PARP15: variants seen among roughly 807,000 people sequenced by gnomAD.
The protein encoded by PARP15 is protein mono-ADP-ribosyltransferase PARP15.
In PARP15, 50 loss-of-function variants were observed where a neutral mutation model predicts 62.1. The observed-to-expected ratio is 0.81, with a 90% CI of 0.64 to 1.02. The LOEUF (loss-of-function observed/expected upper bound fraction) is 1.02. Among genes scored for constraint, PARP15 ranks in the 50% least tolerant of loss-of-function variants. The pLI, the probability that PARP15 is intolerant of heterozygous loss-of-function variation, is 0.00. For missense variants in PARP15, 820 were observed against 826.5 expected (o/e 0.99, Z 0.10); for synonymous variants, 309 against 293.1 (o/e 1.05, Z -0.55).
rs1935920454 is a variant in PARP15, at chr3:122,615,776, C to G, written c.772-3C>G. The G allele has an allele frequency of 6.2e-7, 1 of 1,611,896 alleles. No individual in the cohort carries two copies. Among genetic ancestry groups the G allele is most frequent in the African/African-American group, 1.3e-5 (1 of 74,844 alleles). On this transcript the variant is annotated splice_region_variant and splice_polypyrimidine_tract_variant and intron_variant, in intron 4 of 11. Coordinates refer to ENST00000464300, the MANE Select transcript of PARP15 (RefSeq NM_001113523.3). ...TGTAGTCAGTAACTGTTTCTATTTC[C>G]AGGCATTTTTAGATGAATTCACTAA...
chr3:122,587,459 G>A lies in PARP15; in HGVS notation c.186+9606G>A, dbSNP rs370633574. Among the ~76,000 whole-genome samples the A allele has an allele frequency of 6.8e-4, 103 of 152,314 alleles. 2 individuals are homozygous for A. In the South Asian group the frequency reaches 0.021, roughly 31 times the overall value. On this transcript the variant is annotated intron_variant, in intron 1 of 11. Coordinates refer to ENST00000464300, the MANE Select transcript of PARP15 (RefSeq NM_001113523.3). ...TGCTCCACATCCTTGCCAGCATTTGGTGTTGCCAATGTTCTGGATTTTCAC... is the reference window on the plus strand; with the variant it reads ...TGCTCCACATCCTTGCCAGCATTTGATGTTGCCAATGTTCTGGATTTTCAC...
At chr3:122,588,358 ATT>A (rs35662109) in intron 1 of PARP15, among the ~76,000 whole-genome samples, 5 of 149,806 alleles carry the variant, frequency 3.3e-5, no homozygotes, top group Admixed American at 1.3e-4. Context: ...TGGTTTATTG[ATT>A]TTTTTTTTTG....
At chr3:122,594,457 C>A in intron 1 of PARP15, 1 of 705,134 alleles carries the variant, frequency 1.4e-6, no homozygotes, top group Non-Finnish European at 1.7e-6. Flanking sequence ...AGCTCCATGT[C>A]CTTGATTACA....
intron 1 of PARP15, among the ~76,000 whole-genome samples, chr3:122,586,682 G>A (rs1363542608): frequency 6.6e-6 from 1 of 151,940 alleles, no homozygotes; most frequent in Non-Finnish European, 1.5e-5. Context: ...GCACAATTTA[G>A]CAGAAAGTAC....
intron 1 of PARP15, among the ~76,000 whole-genome samples, chr3:122,590,614 A>G (rs1559930069): frequency 1.3e-5 from 2 of 152,034 alleles, no homozygotes; most frequent in African/African-American, 2.4e-5. Flanking sequence ...ATCAGTATAC[A>G]TATCTGATTT....
chr3:122,634,937 T>G, intron 10 of PARP15, 83 bp from the exon 11 acceptor site: 1 of 1,348,654 alleles, frequency 7.4e-7, no homozygotes, highest in South Asian at 1.3e-5. Context: ...CTTTTTCATA[T>G]TGCTTATTTT....
intron 1 of PARP15, among the ~76,000 whole-genome samples, chr3:122,586,545 C>T (rs1933445085): frequency 6.6e-6 from 1 of 152,140 alleles, no homozygotes; most frequent in African/African-American, 2.4e-5. Context: ...AGGCTTATTT[C>T]TAGAATTGCT....
At chr3:122,619,699 G>T in intron 6 of PARP15, 82 bp from the exon 7 acceptor site, 2 of 1,204,680 alleles carry the variant, frequency 1.7e-6, no homozygotes, top group South Asian at 1.2e-5. Flanking sequence ...AGGGTGAGTT[G>T]AGCAGAAGTC....
At chr3:122,601,431 T>C (rs192661733) in intron 1 of PARP15, among the ~76,000 whole-genome samples, 21 of 152,258 alleles carry the variant, frequency 1.4e-4, no homozygotes, top group African/African-American at 5.1e-4. Flanking sequence ...CCTCCCTCCT[T>C]CTCCAAAATC....
At chr3:122,580,060 G>A (rs374059775) in intron 1 of PARP15, among the ~76,000 whole-genome samples, 1 of 141,748 alleles carries the variant, frequency 7.1e-6, no homozygotes, top group African/African-American at 2.6e-5. Flanking sequence ...CACACACACA[G>A]AGACATTTGT....
chr3:122,583,917 T>A (rs1042141171), intron 1 of PARP15, among the ~76,000 whole-genome samples: 22 of 152,180 alleles, frequency 1.4e-4, no homozygotes, highest in Non-Finnish European at 2.2e-4. Flanking sequence ...TAGCCTCCGG[T>A]AAGTCCCAAG....
At chr3:122,612,545 T>G (rs988050755) in intron 3 of PARP15, among the ~76,000 whole-genome samples, 8 of 152,032 alleles carry the variant, frequency 5.3e-5, no homozygotes, top group African/African-American at 9.7e-5. Context: ...CACGCCATTC[T>G]CCTGCCTCAG....
At chr3:122,585,038 C>T (rs1365230378) in intron 1 of PARP15, among the ~76,000 whole-genome samples, 1 of 152,068 alleles carries the variant, frequency 6.6e-6, no homozygotes, top group East Asian at 1.9e-4. Flanking sequence ...TCTTGATTTG[C>T]TTGACTTTTA....
intron 7 of PARP15, among the ~76,000 whole-genome samples, chr3:122,620,982 G>T (rs924934874): frequency 6.6e-6 from 1 of 152,178 alleles, no homozygotes; most frequent in South Asian, 2.1e-4. Context: ...CACAGAGTAC[G>T]TTGCTTTTAT....
At chr3:122,604,540 A>T (rs1269480278) in intron 1 of PARP15, among the ~76,000 whole-genome samples, 2 of 152,276 alleles carry the variant, frequency 1.3e-5, no homozygotes, top group East Asian at 3.9e-4. Flanking sequence ...CAACTTGGTG[A>T]AACTGTGTCT....
intron 8 of PARP15, among the ~76,000 whole-genome samples, chr3:122,624,634 T>G (rs1198872524): frequency 1.3e-5 from 2 of 152,174 alleles, no homozygotes. Context: ...GTAGGATATT[T>G]TAACCATCAT....
At chr3:122,594,454 T>A in intron 1 of PARP15, 1 of 657,514 alleles carries the variant, frequency 1.5e-6, no homozygotes, top group Non-Finnish European at 1.9e-6. Context: ...AGTAGCTCCA[T>A]GTCCTTGATT....
At chr3:122,630,642 G>A (rs996030318) in intron 9 of PARP15, among the ~76,000 whole-genome samples, 6 of 152,052 alleles carry the variant, frequency 3.9e-5, no homozygotes, top group East Asian at 3.8e-4. Context: ...TTGTGTCACC[G>A]CACTCAAGAC....
intron 8 of PARP15, among the ~76,000 whole-genome samples, chr3:122,623,498 C>A (rs1298671317): frequency 6.6e-6 from 1 of 152,108 alleles, no homozygotes; most frequent in Non-Finnish European, 1.5e-5. Context: ...AGGGCTGAGA[C>A]CAGAACAGTG....
Sources: gnomAD v4.1 joint callset for allele counts (sites outside exome capture counted in the v4.1 genomes callset) on GRCh38, gnomAD v4.1.1 for gene constraint, MANE v1.5 for transcripts, NCBI Gene and HGNC (gene_info 2026-07-23, HGNC 2026-07-21) for gene names.